The following UBE2E2 variants were observed in gnomAD, a reference collection of about 807,000 sequenced individuals.
UBE2E2 encodes the protein ubiquitin conjugating enzyme E2 E2.
A neutral mutation model predicts 24.7 loss-of-function variants in UBE2E2; 6 were observed. The ratio of observed to expected loss-of-function variants is 0.24; its 90% CI spans 0.13 to 0.48. The LOEUF (loss-of-function observed/expected upper bound fraction) is 0.48, where lower values mean the gene tolerates loss of function less well. UBE2E2 is among the 20% of genes least tolerant of loss of function. The probability of loss-of-function intolerance (pLI) is 0.99; values close to 1 mark genes in which losing one functional copy is unlikely to be tolerated. For missense variants in UBE2E2, 169 were observed against 245.0 expected, an observed-to-expected ratio of 0.69 and a Z score of 2.07; for synonymous variants, 104 against 83.6, an observed-to-expected ratio of 1.24 and a Z score of -1.33.
intron 5 of UBE2E2, among the ~76,000 whole-genome samples, chr3:23,587,671 G>A (rs868593657): frequency 2.0e-5 from 3 of 152,320 alleles, no homozygotes; most frequent in Middle Eastern, 3.4e-3. Context: ...TTACTCTAAT[G>A]TCATTACTTA....
chr3:23,345,120 G>A (rs1441903473), intron 3 of UBE2E2, among the ~76,000 whole-genome samples: 2 of 152,190 alleles, frequency 1.3e-5, no homozygotes, highest in Admixed American at 6.5e-5. Context: ...TCTGACTAGA[G>A]ATCAATTGTG....
intron 3 of UBE2E2, among the ~76,000 whole-genome samples, chr3:23,410,932 C>T (rs1175418432): frequency 6.6e-6 from 1 of 152,124 alleles, no homozygotes; most frequent in Non-Finnish European, 1.5e-5. Context: ...GACAGACTTT[C>T]TCCTTACTTT....
chr3:23,349,866 G>A (rs1695682588), intron 3 of UBE2E2, among the ~76,000 whole-genome samples: 1 of 152,248 alleles, frequency 6.6e-6, no homozygotes, highest in African/African-American at 2.4e-5. Flanking sequence ...CTGTCTGACA[G>A]CTTTGAAGAG....
intron 3 of UBE2E2, among the ~76,000 whole-genome samples, chr3:23,264,039 T>C (rs1039552901): frequency 2.0e-5 from 3 of 152,212 alleles, no homozygotes; most frequent in Non-Finnish European, 4.4e-5. Context: ...GTCGGGTACA[T>C]GATCTTACAT....
intron 3 of UBE2E2, among the ~76,000 whole-genome samples, chr3:23,316,909 GGGCCT>G (rs1442159756): frequency 6.6e-6 from 1 of 152,068 alleles, no homozygotes; most frequent in Non-Finnish European, 1.5e-5. Context: ...CAGGGAATTA[GGGCCT>G]GGAATGGGGA....
intron 3 of UBE2E2, among the ~76,000 whole-genome samples, chr3:23,486,906 C>G (rs1027086503): frequency 1.3e-5 from 2 of 152,224 alleles, no homozygotes; most frequent in African/African-American, 4.8e-5. Context: ...GCAGCCCAGT[C>G]CCCAGACTTC....
chr3:23,318,575 G>T (rs1282705274), intron 3 of UBE2E2, among the ~76,000 whole-genome samples: 6 of 152,178 alleles, frequency 3.9e-5, no homozygotes, highest in South Asian at 2.1e-4. Context: ...AATCATGGCA[G>T]AAGGCAAAAG....
At chr3:23,351,137 A>T (rs1575579036) in intron 3 of UBE2E2, among the ~76,000 whole-genome samples, 1 of 152,350 alleles carries the variant, frequency 6.6e-6, no homozygotes, top group Non-Finnish European at 1.5e-5. Context: ...AGCCAAACTA[A>T]GCTTCATAAG....
chr3:23,300,594 G>A lies in UBE2E2; in HGVS notation c.227+83282G>A, dbSNP rs187243577. Among the ~76,000 whole-genome samples, 360 of 152,314 alleles carry A rather than the reference G, an allele frequency of 2.4e-3. 3 individuals are homozygous for A. The highest frequency in any genetic ancestry group is 8.3e-3 in the African/African-American group (344 of 41,568). On this transcript the variant is annotated intron_variant, in intron 3 of 5. Coordinates refer to ENST00000396703, the MANE Select transcript of UBE2E2 (RefSeq NM_152653.4). The stretch of plus-strand genomic sequence containing the variant: ...ATGGGTTGAAAATTCATTTCTTTAA[G>A]AATGTTGAATATTGGTCCCCACTGT...
intron 3 of UBE2E2, among the ~76,000 whole-genome samples, chr3:23,253,618 G>C (rs1478662541): frequency 6.6e-6 from 1 of 152,140 alleles, no homozygotes; most frequent in Non-Finnish European, 1.5e-5. Context: ...CATATAAGGG[G>C]CTCTAGCTTA....
intron 3 of UBE2E2, among the ~76,000 whole-genome samples, chr3:23,346,606 A>G (rs570186500): frequency 6.6e-6 from 1 of 152,354 alleles, no homozygotes; most frequent in Admixed American, 6.5e-5. Flanking sequence ...ATTAATTAAT[A>G]AGATGTTCTC....
rs146516828 is a variant in UBE2E2 at position 23,335,588 on chromosome 3, T to G, written c.227+118276T>G. Among the ~76,000 whole-genome samples the G allele has an allele frequency of 1.7e-3, 260 of 152,348 alleles. 1 individual carries two copies. The highest frequency in any genetic ancestry group is 6.0e-3 in the African/African-American group (251 of 41,596). ...CTCTGTCACTCAAGCTGTTGTGCAG[T>G]GGCACTATCATGGCTCACTCACTGC... On this transcript the variant is annotated intron_variant, in intron 3 of 5. Transcript: ENST00000396703.
At chr3:23,454,659 G>T (rs191374526) in intron 3 of UBE2E2, among the ~76,000 whole-genome samples, 2 of 152,182 alleles carry the variant, frequency 1.3e-5, no homozygotes, top group Admixed American at 6.5e-5. Flanking sequence ...TGATGTCTGG[G>T]TATGCCTATA....
At chr3:23,245,296 A>G (rs1275922851) in intron 3 of UBE2E2, among the ~76,000 whole-genome samples, 4 of 152,168 alleles carry the variant, frequency 2.6e-5, no homozygotes, top group African/African-American at 9.6e-5. Context: ...TTGAGTTCTC[A>G]TATGTGGTAA....
intron 1 of UBE2E2, chr3:23,204,621 A>G (rs1331533126): frequency 1.8e-5 from 17 of 921,898 alleles, no homozygotes; most frequent in Non-Finnish European, 2.2e-5. Context: ...GGAATTCTGT[A>G]TGTGGGCTGA....
At chr3:23,355,102 C>G (rs573210244) in intron 3 of UBE2E2, among the ~76,000 whole-genome samples, 1 of 151,932 alleles carries the variant, frequency 6.6e-6, no homozygotes, top group South Asian at 2.1e-4. Flanking sequence ...AATTGGAAAT[C>G]ATCATTCTCA....
At chr3:23,372,458 TTAG>T (rs2125341662) in intron 3 of UBE2E2, among the ~76,000 whole-genome samples, 1 of 152,338 alleles carries the variant, frequency 6.6e-6, no homozygotes, top group East Asian at 1.9e-4. Context: ...CTCTGCACTA[TTAG>T]TTGGTGTCAG....
In UBE2E2 at chr3:23,369,965, G is replaced by T. The variant is rs1005829871; in HGVS notation, c.228-129643G>T. Among the ~76,000 whole-genome samples the T allele has an allele frequency of 1.4e-4, 21 of 152,062 alleles. 1 individual carries two copies. The highest frequency in any genetic ancestry group is 2.9e-5 in the Non-Finnish European group (2 of 67,994). On this transcript the variant is annotated intron_variant, in intron 3 of 5. Transcript: ENST00000396703. ...TGTCAGAAATCTTTATTTTACATCT[G>T]TTCCCCCTTTAGATACTAATATCCC...
At chr3:23,225,280 A>G (rs916282967) in intron 3 of UBE2E2, among the ~76,000 whole-genome samples, 5 of 151,534 alleles carry the variant, frequency 3.3e-5, no homozygotes, top group Admixed American at 1.3e-4. Flanking sequence ...GACCTTTGAA[A>G]CATAGAAGTT....
Sources: allele counts gnomAD v4.1 joint callset (sites outside exome capture counted in the v4.1 genomes callset), GRCh38; gene constraint gnomAD v4.1.1; transcripts MANE v1.5; gene names NCBI Gene and HGNC (gene_info 2026-07-23, HGNC 2026-07-21).